GRIP1: variants seen among roughly 807,000 people sequenced by gnomAD.
The protein encoded by GRIP1 is glutamate receptor interacting protein 1.
GRIP1 carries 45 observed loss-of-function variants against 129.9 expected under a neutral mutation model. That is an observed-to-expected ratio of 0.35 (90% CI 0.27 to 0.44). GRIP1 has a LOEUF of 0.44. GRIP1 is among the 20% of genes least tolerant of loss of function. The pLI is 1.00. For missense variants in GRIP1, 1,196 were observed against 1,396.8 expected, an observed-to-expected ratio of 0.86 and a Z score of 2.29; for synonymous variants, 530 against 520.8, an observed-to-expected ratio of 1.02 and a Z score of -0.24.
In GRIP1 at chr12:66,917,369, T is replaced by C. The variant is rs1323498159; in HGVS notation, c.58+151681A>G. ...GCAACAAAGAGTTGTTCTCTACACA[T>C]TGTGAGCACACTTCCCTCAATCCAG... On this transcript the variant is annotated intron_variant, in intron 1 of 1. Transcript: ENST00000643019. Among the ~76,000 whole-genome samples the C allele has an allele frequency of 5.3e-5, 8 of 152,192 alleles. No individual in the cohort carries two copies. In the East Asian group the frequency reaches 1.5e-3, roughly 29 times the overall value.
chr12:66,802,398 G>A (rs773615490), intron 1 of GRIP1, among the ~76,000 whole-genome samples: 5 of 152,044 alleles, frequency 3.3e-5, no homozygotes, highest in East Asian at 1.9e-4. Flanking sequence ...GAGATAAAAC[G>A]TGATTCTCTT....
At chr12:66,660,682 T>C (rs951894284) in intron 1 of GRIP1, among the ~76,000 whole-genome samples, 5 of 152,190 alleles carry the variant, frequency 3.3e-5, no homozygotes, top group Admixed American at 6.5e-5. Context: ...AACACATTTC[T>C]GCTGCATGAA....
chr12:67,001,547 A>G (rs1275842916), intron 1 of GRIP1, among the ~76,000 whole-genome samples: 1 of 152,154 alleles, frequency 6.6e-6, no homozygotes, highest in Non-Finnish European at 1.5e-5. Context: ...AATGTTTTCA[A>G]TTAATTATCC....
At chr12:67,036,952 C>T (rs1418066351) in intron 1 of GRIP1, among the ~76,000 whole-genome samples, 2 of 151,872 alleles carry the variant, frequency 1.3e-5, no homozygotes, top group Non-Finnish European at 2.9e-5. Context: ...ATGAAAAACC[C>T]GTGTGAGTCT....
chr12:66,464,057 A>G (rs922781380), intron 8 of GRIP1, among the ~76,000 whole-genome samples: 2 of 152,186 alleles, frequency 1.3e-5, no homozygotes, highest in Non-Finnish European at 2.9e-5. Context: ...GGAGGTGGAA[A>G]GGCAGGTTGA....
intron 1 of GRIP1, among the ~76,000 whole-genome samples, chr12:66,610,678 A>T (rs1230499028): frequency 6.6e-6 from 1 of 152,194 alleles, no homozygotes; most frequent in Non-Finnish European, 1.5e-5. Flanking sequence ...CAGAAATTGT[A>T]ATTCAGCTTA....
rs143610694 is a variant in GRIP1, at chr12:67,051,716, G to A, written c.58+17334C>T. Among the ~76,000 whole-genome samples the A allele has an allele frequency of 5.1e-3, 771 of 152,318 alleles. 11 individuals carry two copies. The highest frequency in any genetic ancestry group is 5.6e-3 in the Non-Finnish European group (382 of 68,026). On this transcript the variant is annotated intron_variant, in intron 1 of 1. Coordinates refer to the GRIP1 transcript ENST00000643019. ...CCAGTAGCAGAAGAGATCTGAGCTG[G>A]CAAAACGCATCCCGTCAGATCCCAG...
chr12:66,922,703 GA>G (rs1394716625), intron 1 of GRIP1, among the ~76,000 whole-genome samples: 1 of 152,124 alleles, frequency 6.6e-6, no homozygotes, highest in Non-Finnish European at 1.5e-5. Context: ...ACTTCAAAGG[GA>G]ACTGACTCAG....
intron 1 of GRIP1, among the ~76,000 whole-genome samples, chr12:66,945,173 A>C (rs2041647728): frequency 6.6e-6 from 1 of 152,060 alleles, no homozygotes; most frequent in Non-Finnish European, 1.5e-5. Flanking sequence ...TTTTCAAAAA[A>C]CTTTTATGTT....
chr12:66,925,761 C>T (rs1329462019), intron 1 of GRIP1, among the ~76,000 whole-genome samples: 2 of 152,194 alleles, frequency 1.3e-5, no homozygotes, highest in African/African-American at 4.8e-5. Flanking sequence ...TCTCCTACCT[C>T]AGCCTCCCAA....
At chr12:67,007,279 A>C (rs929848052) in intron 1 of GRIP1, among the ~76,000 whole-genome samples, 1 of 152,226 alleles carries the variant, frequency 6.6e-6, no homozygotes, top group Non-Finnish European at 1.5e-5. Flanking sequence ...CCAGTGTTCA[A>C]TATGTATCTC....
Position 66,520,761 on chromosome 12 carries a change from G to C in GRIP1, c.503-2785C>G, listed in dbSNP as rs192910316. On this transcript the variant is annotated intron_variant, in intron 5 of 24. Transcript: ENST00000359742. ...ATTTCTTGATAATAAATTACTCTTG[G>C]TTTAGCTCTTTCATTAGTAATTTGA... Among the ~76,000 whole-genome samples, 12 of 152,196 alleles carry C rather than the reference G, an allele frequency of 7.9e-5. No individual in the cohort carries two copies. The East Asian group carries it at 2.3e-3, about 29-fold the overall frequency.
At chr12:66,718,248 G>T (rs923655287) in intron 1 of GRIP1, among the ~76,000 whole-genome samples, 2 of 152,050 alleles carry the variant, frequency 1.3e-5, no homozygotes, top group Non-Finnish European at 2.9e-5. Flanking sequence ...TAAGTTGAGG[G>T]AGCTTCTGCT....
intron 1 of GRIP1, among the ~76,000 whole-genome samples, chr12:67,012,562 G>C (rs113863427): frequency 1.2e-3 from 184 of 152,250 alleles, no homozygotes; most frequent in Admixed American, 8.3e-3. Context: ...CTTGTGACAA[G>C]AGCTTCATAT....
chr12:66,986,036 C>A (rs983384390), intron 1 of GRIP1, among the ~76,000 whole-genome samples: 4 of 152,174 alleles, frequency 2.6e-5, no homozygotes, highest in Admixed American at 2.0e-4. Context: ...GAATGCCCTG[C>A]CCCTAATGGA....
At chr12:66,735,319 A>T (rs1369057297) in intron 1 of GRIP1, among the ~76,000 whole-genome samples, 3 of 152,216 alleles carry the variant, frequency 2.0e-5, no homozygotes, top group Admixed American at 6.5e-5. Flanking sequence ...CGAAGTAAAT[A>T]ATAAGAATTT....
chr12:66,616,217 G>A (rs1382400085), intron 1 of GRIP1, among the ~76,000 whole-genome samples: 1 of 151,916 alleles, frequency 6.6e-6, no homozygotes. Context: ...ATCAAGAGAG[G>A]CCTGGGCCAC....
At chr12:66,398,817 A>G (rs1002589616) in intron 16 of GRIP1, among the ~76,000 whole-genome samples, 2 of 151,850 alleles carry the variant, frequency 1.3e-5, no homozygotes, top group African/African-American at 4.9e-5. Flanking sequence ...TTAAGAACCA[A>G]TTTTTGCCCC....
At chr12:66,378,583 G>C (rs1472478153) in intron 20 of GRIP1, among the ~76,000 whole-genome samples, 1 of 151,386 alleles carries the variant, frequency 6.6e-6, no homozygotes, top group African/African-American at 2.4e-5. Flanking sequence ...CCCATCTCTA[G>C]TAAAAATACA....
Sources: gnomAD v4.1 joint callset for allele counts (sites outside exome capture counted in the v4.1 genomes callset) on GRCh38, gnomAD v4.1.1 for gene constraint, MANE v1.5 for transcripts, NCBI Gene and HGNC (gene_info 2026-07-23, HGNC 2026-07-21) for gene names.